The following IL1RAPL1 variants were observed in gnomAD, a reference collection of about 807,000 sequenced individuals.
The protein encoded by IL1RAPL1 is interleukin-1 receptor accessory protein-like 1.
A neutral mutation model predicts 48.4 loss-of-function variants in IL1RAPL1; 3 were observed. The observed-to-expected ratio is 0.06, with a 90% confidence interval of 0.03 to 0.16. The LOEUF (loss-of-function observed/expected upper bound fraction) is 0.16, where lower values mean the gene tolerates loss of function less well. Among genes scored for constraint, IL1RAPL1 ranks in the 10% least tolerant of loss-of-function variants. The pLI is 1.00. For synonymous variants in IL1RAPL1, 185 were observed against 187.7 expected (o/e 0.99, Z 0.12); for missense variants, 349 against 530.6 (o/e 0.66, Z 3.36).
At chrX:29,951,894 C>T (rs1933326757) in intron 9 of IL1RAPL1, among the ~76,000 whole-genome samples, 1 of 110,594 alleles carries the variant, frequency 9.0e-6, no homozygotes, top group East Asian at 2.8e-4. Flanking sequence ...GGCATCTACA[C>T]AGAAGTGATG....
chrX:28,904,621 A>T (rs1923170324), intron 2 of IL1RAPL1, among the ~76,000 whole-genome samples: 1 of 112,057 alleles, frequency 8.9e-6, no homozygotes, highest in South Asian at 3.7e-4. Flanking sequence ...TGTTCATAAA[A>T]TGGGGGCATT....
At chrX:29,770,096 T>C (rs1020101738) in intron 6 of IL1RAPL1, among the ~76,000 whole-genome samples, 1 of 112,298 alleles carries the variant, frequency 8.9e-6, no homozygotes, top group African/African-American at 3.2e-5. Flanking sequence ...AAACATAATA[T>C]CTTGCTTTTC....
At chrX:29,258,880 G>A (rs1413470036) in intron 2 of IL1RAPL1, among the ~76,000 whole-genome samples, 1 of 111,371 alleles carries the variant, frequency 9.0e-6, no homozygotes, top group Non-Finnish European at 1.9e-5. Context: ...TGTCTTTTAA[G>A]CCCTTTGATG....
At chrX:29,100,071 G>T (rs1241157117) in intron 2 of IL1RAPL1, among the ~76,000 whole-genome samples, 1 of 110,087 alleles carries the variant, frequency 9.1e-6, no homozygotes, top group Non-Finnish European at 1.9e-5. Context: ...AATTAGCTGG[G>T]TGTGGTGGCA....
intron 2 of IL1RAPL1, among the ~76,000 whole-genome samples, chrX:29,112,278 A>AAATATT (rs1250279819): frequency 3.6e-5 from 4 of 111,785 alleles, no homozygotes; most frequent in African/African-American, 1.3e-4. Flanking sequence ...TCTTAATTTT[A>AAATATT]AATATTATCA....
intron 6 of IL1RAPL1, among the ~76,000 whole-genome samples, chrX:29,818,534 C>G (rs760433741): frequency 8.9e-6 from 1 of 112,117 alleles, no homozygotes; most frequent in East Asian, 2.8e-4. Flanking sequence ...ATTTATCAGG[C>G]TGCATTTGCT....
At chrX:29,496,335 C>A (rs761655901) in intron 5 of IL1RAPL1, among the ~76,000 whole-genome samples, 1 of 110,915 alleles carries the variant, frequency 9.0e-6, no homozygotes, top group Non-Finnish European at 1.9e-5. Flanking sequence ...GGAGGTGGGA[C>A]CTAATGGGAG....
chrX:28,759,901 G>T (rs1936148542), intron 1 of IL1RAPL1, among the ~76,000 whole-genome samples: 1 of 111,198 alleles, frequency 9.0e-6, no homozygotes, highest in Admixed American at 9.6e-5. Flanking sequence ...AAGTATTTTT[G>T]CCTAATTTTA....
intron 1 of IL1RAPL1, among the ~76,000 whole-genome samples, chrX:28,779,842 C>T (rs1251364844): frequency 9.3e-6 from 1 of 107,138 alleles, no homozygotes; most frequent in African/African-American, 3.4e-5. Context: ...TAAAACTTGA[C>T]TTTCATAAAG....
chrX:29,715,594 A>G (rs1023129339), intron 6 of IL1RAPL1, among the ~76,000 whole-genome samples: 6 of 111,452 alleles, frequency 5.4e-5, no homozygotes, highest in Non-Finnish European at 3.8e-5. Flanking sequence ...GCCTAGTGGG[A>G]TCAGAATTAA....
At chrX:29,569,030 G>T (rs1922503274) in intron 5 of IL1RAPL1, among the ~76,000 whole-genome samples, 1 of 111,125 alleles carries the variant, frequency 9.0e-6, no homozygotes, top group Admixed American at 9.6e-5. Context: ...AATCCCTTCT[G>T]ATGCAATTTA....
intron 2 of IL1RAPL1, among the ~76,000 whole-genome samples, chrX:28,797,814 G>A (rs1936630875): frequency 9.0e-6 from 1 of 111,471 alleles, no homozygotes; most frequent in Admixed American, 9.6e-5. Flanking sequence ...CCCTACTCCT[G>A]GTACCAATTT....
At chrX:29,913,416 ATATATG>A (rs1305819917) in intron 6 of IL1RAPL1, among the ~76,000 whole-genome samples, 2 of 110,506 alleles carry the variant, frequency 1.8e-5, no homozygotes, top group South Asian at 3.9e-4. Context: ...ATATATACAC[ATATATG>A]TATACATATA....
chrX:29,514,019 A>C (rs1935420575), intron 5 of IL1RAPL1, among the ~76,000 whole-genome samples: 1 of 111,658 alleles, frequency 9.0e-6, no homozygotes, highest in South Asian at 3.7e-4. Context: ...ATATTTCTCT[A>C]TATATTTTCT....
chrX:29,007,259 A>C (rs1926006346), intron 2 of IL1RAPL1, among the ~76,000 whole-genome samples: 1 of 111,986 alleles, frequency 8.9e-6, no homozygotes, highest in African/African-American at 3.2e-5. Flanking sequence ...AGTAATACTA[A>C]GATAAAATGA....
At chrX:28,666,669 G>C (rs1231697242) in intron 1 of IL1RAPL1, among the ~76,000 whole-genome samples, 1 of 111,499 alleles carries the variant, frequency 9.0e-6, no homozygotes, top group Non-Finnish European at 1.9e-5. Flanking sequence ...TATTTCTTTT[G>C]GTCCTTTTGC....
intron 2 of IL1RAPL1, among the ~76,000 whole-genome samples, chrX:28,995,291 C>A (rs914176915): frequency 9.0e-6 from 1 of 111,195 alleles, no homozygotes; most frequent in African/African-American, 3.3e-5. Flanking sequence ...TGTTCTTTTT[C>A]TCATCTTCAC....
chrX:28,884,831 C>T (rs747378895), intron 2 of IL1RAPL1, among the ~76,000 whole-genome samples: 1 of 111,519 alleles, frequency 9.0e-6, no homozygotes, highest in East Asian at 2.8e-4. Context: ...GTATAAGTAT[C>T]TCACATCTGT....
At chrX:28,768,739 C>G (rs1402399734) in intron 1 of IL1RAPL1, among the ~76,000 whole-genome samples, 90 of 68,299 alleles carry the variant, frequency 1.3e-3, no homozygotes, top group African/African-American at 4.7e-3. Context: ...GTCTCTCTCT[C>G]TCTCTCTCTC....
Sources: gnomAD v4.1 joint callset for allele counts (sites outside exome capture counted in the v4.1 genomes callset) on GRCh38, gnomAD v4.1.1 for gene constraint, MANE v1.5 for transcripts, NCBI Gene and HGNC (gene_info 2026-07-23, HGNC 2026-07-21) for gene names.